Variants in ASTN2 observed in about 807,000 individuals in gnomAD.
ASTN2 encodes astrotactin-2.
Under a neutral mutation model 139.8 loss-of-function variants are expected in ASTN2, and 54 were observed. The observed-to-expected ratio is 0.39, with a 90% CI of 0.31 to 0.48. ASTN2 has a LOEUF of 0.48. Among genes scored for constraint, ASTN2 ranks in the 20% least tolerant of loss-of-function variants. The pLI is 0.95. For synonymous variants in ASTN2, 756 were observed against 719.5 expected, an observed-to-expected ratio of 1.05 and a Z score of -0.81; for missense variants, 1,565 against 1,725.1, an observed-to-expected ratio of 0.91 and a Z score of 1.64.
At chr9:117,157,042 G>T (rs1830447896) in intron 3 of ASTN2, among the ~76,000 whole-genome samples, 1 of 151,908 alleles carries the variant, frequency 6.6e-6, no homozygotes, top group African/African-American at 2.4e-5. Context: ...AAAAACAATT[G>T]ATCTGATTCG....
chr9:116,463,380 C>T (rs73655122), intron 20 of ASTN2, among the ~76,000 whole-genome samples: 2,680 of 152,286 alleles, frequency 0.018, 92 homozygotes, highest in African/African-American at 0.062. Context: ...TAAGCTGGTT[C>T]ACAAAGGGAT....
intron 4 of ASTN2, among the ~76,000 whole-genome samples, chr9:117,110,513 A>C (rs377199440): frequency 5.9e-5 from 9 of 152,340 alleles, no homozygotes; most frequent in Admixed American, 1.3e-4. Context: ...AAGAAAGGGG[A>C]TAAAAACACA....
chr9:116,705,045 A>G (rs1318015142), intron 16 of ASTN2, among the ~76,000 whole-genome samples: 1 of 152,180 alleles, frequency 6.6e-6, no homozygotes, highest in Non-Finnish European at 1.5e-5. Flanking sequence ...TATTAACTCA[A>G]ATAATTATAA....
chr9:116,637,421 C>T (rs1370308223), intron 17 of ASTN2, among the ~76,000 whole-genome samples: 1 of 152,164 alleles, frequency 6.6e-6, no homozygotes, highest in Non-Finnish European at 1.5e-5. Context: ...TATTATTAAT[C>T]TCATTTTACC....
chr9:117,365,203 G>C (rs1361076330), intron 1 of ASTN2, among the ~76,000 whole-genome samples: 1 of 140,416 alleles, frequency 7.1e-6, no homozygotes, highest in East Asian at 2.3e-4. Flanking sequence ...AAAATGAAGG[G>C]AAGGAAGGAA....
intron 4 of ASTN2, among the ~76,000 whole-genome samples, chr9:117,113,768 C>T (rs1165966853): frequency 6.6e-6 from 1 of 152,088 alleles, no homozygotes; most frequent in African/African-American, 2.4e-5. Flanking sequence ...ACAAAAACTA[C>T]ATACTGTGTG....
At chr9:116,626,648 T>C (rs1217315588) in intron 17 of ASTN2, among the ~76,000 whole-genome samples, 1 of 152,094 alleles carries the variant, frequency 6.6e-6, no homozygotes, top group African/African-American at 2.4e-5. Flanking sequence ...ATACCTTTTT[T>C]GTCCAGAAGT....
chr9:117,269,957 G>C (rs1447807345), intron 2 of ASTN2, among the ~76,000 whole-genome samples: 1 of 152,120 alleles, frequency 6.6e-6, no homozygotes, highest in Non-Finnish European at 1.5e-5. Flanking sequence ...ATGCCCATTG[G>C]ATAGTATTTT....
At chr9:116,793,699 G>C (rs141249948) in intron 13 of ASTN2, among the ~76,000 whole-genome samples, 78 of 152,282 alleles carry the variant, frequency 5.1e-4, no homozygotes, top group African/African-American at 1.7e-3. Context: ...AAACAAAAAA[G>C]CTGGTCCTTG....
At chr9:117,019,835 C>A (rs540763149) in intron 6 of ASTN2, among the ~76,000 whole-genome samples, 1 of 152,188 alleles carries the variant, frequency 6.6e-6, no homozygotes, top group East Asian at 1.9e-4. Context: ...GTGAACCTTG[C>A]GGATTCTCTT....
chr9:117,375,882 C>G (rs978611267), intron 1 of ASTN2, among the ~76,000 whole-genome samples: 1 of 152,090 alleles, frequency 6.6e-6, no homozygotes, highest in Non-Finnish European at 1.5e-5. Flanking sequence ...TTTTCCAGCT[C>G]CTAGAGTTTC....
intron 19 of ASTN2, among the ~76,000 whole-genome samples, chr9:116,567,693 G>A (rs979090038): frequency 2.0e-5 from 3 of 152,140 alleles, no homozygotes; most frequent in African/African-American, 7.2e-5. Context: ...TAAAGTAGTG[G>A]TGTGGGAACT....
chr9:116,431,385 T>C (rs1335559424), intron 22 of ASTN2, among the ~76,000 whole-genome samples: 1 of 151,932 alleles, frequency 6.6e-6, no homozygotes, highest in African/African-American at 2.4e-5. Context: ...TGCAAAAAAA[T>C]GGGAACATGA....
intron 18 of ASTN2, among the ~76,000 whole-genome samples, chr9:116,619,091 G>A (rs765250529): frequency 1.3e-5 from 2 of 152,052 alleles, no homozygotes; most frequent in African/African-American, 4.8e-5. Flanking sequence ...CTGAAGACAG[G>A]ACCATGATGG....
chr9:117,030,927 A>G (rs923224549), intron 6 of ASTN2, among the ~76,000 whole-genome samples: 1 of 152,180 alleles, frequency 6.6e-6, no homozygotes, highest in African/African-American at 2.4e-5. Flanking sequence ...ACTGAAGCCT[A>G]GCCTTGCCTT....
At chr9:117,405,720 A>G (rs566432409) in intron 1 of ASTN2, among the ~76,000 whole-genome samples, 15 of 152,158 alleles carry the variant, frequency 9.9e-5, no homozygotes, top group Non-Finnish European at 1.9e-4. Flanking sequence ...TCCATTTCTG[A>G]TATTTGATAA....
At position 117,030,073 on chromosome 9, in the gene ASTN2, C is replaced by T. The variant is rs115829623; in HGVS notation, c.1423+9746G>A. Reference sequence around the variant, plus strand: ...AATTAATATACCCAAGGTCACAAAACTAGAAAGCAGATGAACAGGTCTGGA... The same window carrying T: ...AATTAATATACCCAAGGTCACAAAATTAGAAAGCAGATGAACAGGTCTGGA... On this transcript the variant is annotated intron_variant, in intron 6 of 22. Transcript: ENST00000313400. Among the ~76,000 whole-genome samples the T allele has an allele frequency of 2.8e-3, 433 of 152,194 alleles. 2 individuals carry two copies. The highest frequency in any genetic ancestry group is 0.01 in the African/African-American group (421 of 41,542).
At chr9:117,267,500 A>G (rs1332439583) in intron 2 of ASTN2, among the ~76,000 whole-genome samples, 2 of 152,224 alleles carry the variant, frequency 1.3e-5, no homozygotes, top group Non-Finnish European at 1.5e-5. Context: ...ATACACATAT[A>G]CTATGTTTAT....
chr9:116,847,020 A>AAAC (rs1554753865), intron 11 of ASTN2, among the ~76,000 whole-genome samples: 3 of 134,916 alleles, frequency 2.2e-5, no homozygotes, highest in South Asian at 2.4e-4. Flanking sequence ...AAAAAAAAAA[A>AAAC]AAAAAACAAA....
Sources: gnomAD v4.1 joint callset for allele counts (sites outside exome capture counted in the v4.1 genomes callset) on GRCh38, gnomAD v4.1.1 for gene constraint, MANE v1.5 for transcripts, NCBI Gene and HGNC (gene_info 2026-07-23, HGNC 2026-07-21) for gene names.